The following CLEC12B variants were observed in gnomAD, a reference collection of about 807,000 sequenced individuals.
CLEC12B encodes C-type lectin domain family 12 member B.
Under a neutral mutation model 36.1 loss-of-function variants are expected in CLEC12B, and 25 were observed. That is an observed-to-expected ratio of 0.69 (90% CI 0.50 to 0.97). CLEC12B has a LOEUF of 0.97. Ranked by LOEUF, CLEC12B falls within the 50% of genes least tolerant of loss-of-function variation. The pLI, the probability that CLEC12B is intolerant of heterozygous loss-of-function variation, is 0.00. For synonymous variants in CLEC12B, 110 were observed against 108.5 expected (o/e 1.01, Z -0.09); for missense variants, 325 against 318.4 (o/e 1.02, Z -0.16).
Position 10,010,779 on chromosome 12 carries a change from A to C in CLEC12B, c.20A>C (p.Tyr7Ser), listed in dbSNP as rs752599014. The C allele has an allele frequency of 6.2e-7, 1 of 1,606,174 alleles. No homozygotes were observed. The highest frequency in any genetic ancestry group is 8.5e-7 in the Non-Finnish European group (1 of 1,173,182). The stretch of plus-strand genomic sequence containing the variant: ...TCTACAATGTCTGAAGAAGTGACCT[A>C]CGCGACACTCACATTTCAGGATTCT... MSEEVT[Y>S]ATLTFQDSAG... The change falls in exon 1 of 6, where the codon TAC becomes TCC. Residue 7 changes from tyrosine (Y) to serine (S), a missense_variant. Physicochemically the swap from Tyr to Ser is moderately radical, Grantham distance 144. Coordinates refer to ENST00000338896, the MANE Select transcript of CLEC12B (RefSeq NM_001129998.3).
rs2137275024 is a variant in CLEC12B, at chr12:10,015,740, C to G, written c.680+13C>G. 6.2e-7 allele frequency: 1 copy of G among 1,612,712 alleles called. No homozygotes were observed. The highest frequency in any genetic ancestry group is 8.5e-7 in the Non-Finnish European group (1 of 1,179,358). ...CCTCTCCATCCTTGTACGTCTCTAA[C>G]TATTGAGGGTAAACACAAGCTTTCC... On this transcript the variant is annotated intron_variant, in intron 5 of 5. Coordinates refer to ENST00000338896, the MANE Select transcript of CLEC12B (RefSeq NM_001129998.3).
At chr12:10,016,925 C>A (rs1163670150) in intron 5 of CLEC12B, 20 of 888,152 alleles carry the variant, frequency 2.3e-5, no homozygotes, top group Non-Finnish European at 2.5e-5. Context: ...CTACCTTCCT[C>A]CCCCAACAAA....
upstream of CLEC12B, among the ~76,000 whole-genome samples, chr12:10,006,457 G>GTTTTTT (rs139343460): frequency 1.5e-4 from 22 of 149,046 alleles, no homozygotes; most frequent in African/African-American, 4.4e-4. Context: ...TCCAGGATAA[G>GTTTTTT]TTTTTTGTTT....
chr12:10,007,567 T>C (rs7960202), upstream of CLEC12B, among the ~76,000 whole-genome samples: 1 of 151,926 alleles, frequency 6.6e-6, no homozygotes, highest in Admixed American at 6.6e-5. Flanking sequence ...GTTATCCGTT[T>C]AGTTTGTAGA....
Position 10,010,684 on chromosome 12 carries a change from A to G in CLEC12B, c.-76A>G. ...GACTACATCAAAGCTCCCAGCCTTG[A>G]AAAACACATGCTGTTCCCAGGCCTC... is the stretch of plus-strand genomic sequence containing the variant. On this transcript the variant is annotated 5_prime_UTR_variant, in exon 1 of 6. Coordinates refer to ENST00000338896, the MANE Select transcript of CLEC12B (RefSeq NM_001129998.3). 1 of 956,692 alleles carries G rather than the reference A, an allele frequency of 1.0e-6. No homozygotes were observed. Among genetic ancestry groups the G allele is most frequent in the Non-Finnish European group, 1.6e-6 (1 of 618,398 alleles). 59.3% of individuals were successfully genotyped at this position (956,692 alleles called of 1,614,324 possible).
chr12:10,007,244 T>C (rs2137257952), upstream of CLEC12B, among the ~76,000 whole-genome samples: 1 of 152,150 alleles, frequency 6.6e-6, no homozygotes, highest in Admixed American at 6.5e-5. Context: ...CTGCTTGTTT[T>C]AATATAGGAG....
intron 2 of CLEC12B, 90 bp from the exon 3 acceptor site, chr12:10,014,432 TG>T (rs1249146235): frequency 1.1e-6 from 1 of 925,430 alleles, no homozygotes; most frequent in Non-Finnish European, 1.7e-6. Flanking sequence ...TAATAAATCT[TG>T]AACAATTAAG....
chr12:10,012,542 G>C (rs754319353), intron 1 of CLEC12B, among the ~76,000 whole-genome samples: 16 of 152,108 alleles, frequency 1.1e-4, no homozygotes, highest in Admixed American at 2.0e-4. Context: ...CTAAAGGTAT[G>C]CCTCCCCCCT....
chr12:10,016,126 C>A, intron 5 of CLEC12B: 1 of 270,022 alleles, frequency 3.7e-6, no homozygotes, highest in Non-Finnish European at 5.8e-6. Flanking sequence ...CTCAGTCACT[C>A]AGCTATTCTG....
At chr12:10,010,525 G>C (rs1306393930), upstream of CLEC12B, 8 of 342,986 alleles carry the variant, frequency 2.3e-5, no homozygotes, top group African/African-American at 1.3e-4. Flanking sequence ...AGAGCAGACA[G>C]TTTGAGATCT....
intron 1 of CLEC12B, 39 bp from the exon 2 acceptor site, chr12:10,012,746 G>C: frequency 6.7e-7 from 1 of 1,493,516 alleles, no homozygotes; most frequent in East Asian, 2.3e-5. Flanking sequence ...CAAGCACAAA[G>C]CAGTTCTGTG....
rs1865545180 is a variant in CLEC12B at position 10,018,598 on chromosome 12, T to A, written c.*117T>A. ...TTTTAAAATGACTGTGTATTTACAT[T>A]ATCAGACAAATGAACTTGTTTAACA... On this transcript the variant is annotated 3_prime_UTR_variant, in exon 6 of 6. Coordinates refer to ENST00000338896, the MANE Select transcript of CLEC12B (RefSeq NM_001129998.3). The A allele has an allele frequency of 1.3e-6, 1 of 790,014 alleles. No individual in the cohort carries two copies. The highest frequency in any genetic ancestry group is 1.8e-5 in the African/African-American group (1 of 56,324). The allele number at this position is 790,014 out of a possible 1,614,324, so 48.9% of individuals were successfully genotyped here. A position where few individuals can be genotyped will look rare whatever the true frequency, so the allele number is the denominator to read the frequency against.
intron 5 of CLEC12B, chr12:10,017,076 A>G (rs2137278048): frequency 1.0e-6 from 1 of 985,288 alleles, no homozygotes; most frequent in Admixed American, 6.1e-5. Flanking sequence ...ATCACAAACA[A>G]TGGTAGGTCT....
intron 3 of CLEC12B, 83 bp from the exon 4 acceptor site, chr12:10,015,169 C>T: frequency 8.6e-7 from 1 of 1,161,968 alleles, no homozygotes. Flanking sequence ...CCCTATTGTT[C>T]AATTACATGA....
At chr12:10,017,541 A>G in intron 5 of CLEC12B, 1 of 985,456 alleles carries the variant, frequency 1.0e-6, no homozygotes. Context: ...CCCCTGAGAC[A>G]TGCAGCTGTC....
In CLEC12B at chr12:10,015,799, G is replaced by C. The variant is rs1175014991; in HGVS notation, c.680+72G>C. 6 of 1,598,440 alleles carry C rather than the reference G, an allele frequency of 3.8e-6. No homozygotes were observed. The Admixed American group carries it at 1.1e-4, about 28-fold the overall frequency. ...CTGGGAAAATTAATAATGATTGTGA[G>C]AATTATAAATACAGACATAAAAAGA... On this transcript the variant is annotated intron_variant, in intron 5 of 5. Transcript: ENST00000338896.
At chr12:10,012,643 G>T in intron 1 of CLEC12B, 142 bp from the exon 2 acceptor site, 3 of 618,360 alleles carry the variant, frequency 4.9e-6, no homozygotes, top group Middle Eastern at 8.8e-4. Flanking sequence ...TTCATATTAG[G>T]TATTTTCTAA....
At position 10,015,952 on chromosome 12, in the gene CLEC12B, AAC is replaced by A. The variant is rs887588910; in HGVS notation, c.680+238_680+239del. ...TCTTTTGGTAGAAATGTGTTTATTTAACACACACACACACCTAATACTACATT... is the reference window on the plus strand; with the variant it reads ...TCTTTTGGTAGAAATGTGTTTATTTAACACACACACACCTAATACTACATT... On this transcript the variant is annotated intron_variant, in intron 5 of 5. Transcript: ENST00000338896. The A allele has an allele frequency of 4.9e-4, 649 of 1,336,444 alleles. 1 individual carries two copies. Among genetic ancestry groups the A allele is most frequent in the South Asian group, 7.1e-4 (40 of 56,278 alleles). The allele number at this position is 1,336,444 out of a possible 1,614,324, so 82.8% of individuals were successfully genotyped here.
intron 5 of CLEC12B, 55 bp downstream of exon 5, chr12:10,015,782 A>G (rs1227951996): frequency 1.9e-6 from 3 of 1,603,968 alleles, no homozygotes; most frequent in Non-Finnish European, 2.6e-6. Context: ...TCCTGGGAAA[A>G]TTAATAATGA....
Sources: gnomAD v4.1 joint callset for allele counts (sites outside exome capture counted in the v4.1 genomes callset) on GRCh38, gnomAD v4.1.1 for gene constraint, MANE v1.5 for transcripts, NCBI Gene and HGNC (gene_info 2026-07-23, HGNC 2026-07-21) for gene names.